CNTN4: variants seen among roughly 807,000 people sequenced by gnomAD.
CNTN4 encodes the protein contactin-4.
In CNTN4, 77 loss-of-function variants were observed where a neutral mutation model predicts 122.5. The observed-to-expected ratio is 0.63, with a 90% CI of 0.52 to 0.76. The LOEUF (loss-of-function observed/expected upper bound fraction) is 0.76. Ranked by LOEUF, CNTN4 falls within the 30% of genes least tolerant of loss-of-function variation. CNTN4 has a pLI of 0.00. For missense variants in CNTN4, 1,256 were observed against 1,259.1 expected (o/e 1.00, Z 0.04); for synonymous variants, 512 against 447.0 (o/e 1.15, Z -1.83).
chr3:2,781,763 C>CA (rs2091581067), intron 6 of CNTN4, among the ~76,000 whole-genome samples: 3 of 116,932 alleles, frequency 2.6e-5, no homozygotes, highest in South Asian at 5.4e-4. Flanking sequence ...GTCGCTCTGT[C>CA]GCCCAGGCTG....
intron 4 of CNTN4, among the ~76,000 whole-genome samples, chr3:2,622,496 G>A (rs1452350130): frequency 6.6e-6 from 1 of 151,886 alleles, no homozygotes; most frequent in Non-Finnish European, 1.5e-5. Flanking sequence ...TGGACAGGCT[G>A]GTCTCGAACT....
intron 8 of CNTN4, among the ~76,000 whole-genome samples, chr3:2,868,815 C>T (rs1487433914): frequency 5.9e-5 from 9 of 152,040 alleles, no homozygotes; most frequent in Non-Finnish European, 1.3e-4. Flanking sequence ...GCCAGTAAAC[C>T]AGTATGATAA....
At chr3:2,647,720 A>T (rs1192058289) in intron 4 of CNTN4, among the ~76,000 whole-genome samples, 1 of 152,166 alleles carries the variant, frequency 6.6e-6, no homozygotes, top group East Asian at 1.9e-4. Flanking sequence ...ATTTCCTCAC[A>T]AACAGATGCA....
chr3:2,879,489 C>A (rs1190705612), intron 8 of CNTN4, among the ~76,000 whole-genome samples: 1 of 152,186 alleles, frequency 6.6e-6, no homozygotes, highest in Admixed American at 6.5e-5. Context: ...GCATATCCTA[C>A]AGTGGAATAT....
At chr3:2,852,918 T>A (rs916181221) in intron 7 of CNTN4, among the ~76,000 whole-genome samples, 3 of 152,236 alleles carry the variant, frequency 2.0e-5, no homozygotes, top group Non-Finnish European at 4.4e-5. Context: ...AGTCTTTGTG[T>A]TATTGTCTTC....
chr3:2,875,736 C>T (rs1479268907), intron 8 of CNTN4, among the ~76,000 whole-genome samples: 2 of 152,138 alleles, frequency 1.3e-5, no homozygotes, highest in African/African-American at 2.4e-5. Context: ...TTATTTGTGG[C>T]TCCAAAGACT....
chr3:3,026,305 A>G, intron 15 of CNTN4, 28 bp downstream of exon 15: 1 of 1,597,154 alleles, frequency 6.3e-7, no homozygotes, highest in Non-Finnish European at 8.6e-7. Flanking sequence ...AAACTGACTC[A>G]AACTAACTTG....
At chr3:2,937,174 C>G (rs528375797) in intron 13 of CNTN4, among the ~76,000 whole-genome samples, 1 of 152,264 alleles carries the variant, frequency 6.6e-6, no homozygotes, top group East Asian at 1.9e-4. Flanking sequence ...TTGTGACTTA[C>G]ACTTTTGATT....
intron 5 of CNTN4, among the ~76,000 whole-genome samples, chr3:2,737,017 C>T (rs1043807494): frequency 6.6e-6 from 1 of 151,924 alleles, no homozygotes; most frequent in Admixed American, 6.6e-5. Flanking sequence ...TTCCTGACCT[C>T]AAGAGATCTG....
At chr3:2,914,268 T>A (rs954013534) in intron 12 of CNTN4, among the ~76,000 whole-genome samples, 2 of 151,684 alleles carry the variant, frequency 1.3e-5, no homozygotes, top group African/African-American at 4.8e-5. Context: ...TTTTAAAAAC[T>A]GAAAAATCAG....
At chr3:2,383,944 C>T (rs1032195284) in intron 3 of CNTN4, among the ~76,000 whole-genome samples, 2 of 152,136 alleles carry the variant, frequency 1.3e-5, no homozygotes, top group Admixed American at 1.3e-4. Flanking sequence ...TGGAGACCTT[C>T]TGTGTATGTA....
chr3:2,874,900 A>G (rs1274206679), intron 8 of CNTN4, among the ~76,000 whole-genome samples: 3 of 152,134 alleles, frequency 2.0e-5, no homozygotes, highest in Admixed American at 6.6e-5. Flanking sequence ...TAATTTTTCT[A>G]TAGAAATGTT....
At chr3:2,277,629 CTA>C (rs978792738) in intron 2 of CNTN4, among the ~76,000 whole-genome samples, 15 of 152,268 alleles carry the variant, frequency 9.9e-5, no homozygotes, top group Admixed American at 8.5e-4. Flanking sequence ...ATATGCATAA[CTA>C]TTCAGGTTTC....
chr3:2,359,387 T>C (rs562379568), intron 3 of CNTN4, among the ~76,000 whole-genome samples: 4 of 152,264 alleles, frequency 2.6e-5, no homozygotes, highest in South Asian at 4.1e-4. Context: ...GAATTGGTCT[T>C]GTATCTGTTA....
chr3:2,187,560 CT>C (rs1315730109), intron 2 of CNTN4, among the ~76,000 whole-genome samples: 6 of 152,220 alleles, frequency 3.9e-5, no homozygotes, highest in Admixed American at 2.0e-4. Flanking sequence ...TGTTGTGTAA[CT>C]TATAGTTAGC....
At chr3:2,702,876 A>T (rs1361716820) in intron 4 of CNTN4, among the ~76,000 whole-genome samples, 2 of 152,224 alleles carry the variant, frequency 1.3e-5, no homozygotes, top group African/African-American at 4.8e-5. Context: ...TTCCGTATAC[A>T]GCAGTCTCTT....
At chr3:2,359,325 A>ATT (rs1313735267) in intron 3 of CNTN4, among the ~76,000 whole-genome samples, 3 of 152,138 alleles carry the variant, frequency 2.0e-5, no homozygotes, top group South Asian at 4.1e-4. Context: ...TACAACATAC[A>ATT]TTATATATAT....
In CNTN4 at chr3:2,562,269, G is replaced by T. The variant is rs570159907; in HGVS notation, c.-88-9147G>T. Among the ~76,000 whole-genome samples, 9 of 152,222 alleles carry T rather than the reference G, an allele frequency of 5.9e-5. No individual in the cohort carries two copies. In the South Asian group the frequency reaches 1.9e-3, roughly 32 times the overall value. On this transcript the variant is annotated intron_variant, in intron 3 of 24. Coordinates refer to ENST00000418658, the MANE Select transcript of CNTN4 (RefSeq NM_175607.3). ...TTAAATTCAGGGGGTACTTGTGTGGGTTTGTTACATAGGTATATTGTGTGA... is the reference window on the plus strand; with the variant it reads ...TTAAATTCAGGGGGTACTTGTGTGGTTTTGTTACATAGGTATATTGTGTGA...
chr3:2,735,956 C>G, intron 4 of CNTN4: 1 of 590,092 alleles, frequency 1.7e-6, no homozygotes, highest in South Asian at 1.4e-5. Context: ...AGGGAGACGT[C>G]AAGCAGCCTG....
Sources: allele counts gnomAD v4.1 joint callset (sites outside exome capture counted in the v4.1 genomes callset), GRCh38; gene constraint gnomAD v4.1.1; transcripts MANE v1.5; gene names NCBI Gene and HGNC (gene_info 2026-07-23, HGNC 2026-07-21).